Variants in OSBP2 observed in about 807,000 individuals in gnomAD.
OSBP2 encodes the protein oxysterol-binding protein 2.
Under a neutral mutation model 96.0 loss-of-function variants are expected in OSBP2, and 66 were observed. The observed-to-expected ratio is 0.69, with a 90% CI of 0.56 to 0.84. The LOEUF (loss-of-function observed/expected upper bound fraction) is 0.84, where lower values mean the gene tolerates loss of function less well. Among genes scored for constraint, OSBP2 ranks in the 40% least tolerant of loss-of-function variants. OSBP2 has a pLI of 0.00. For synonymous variants in OSBP2, 525 were observed against 520.9 expected (o/e 1.01, Z -0.11); for missense variants, 1,038 against 1,222.7 (o/e 0.85, Z 2.25).
At chr22:30,879,818 G>A (rs938875874) in intron 3 of OSBP2, among the ~76,000 whole-genome samples, 12 of 152,156 alleles carry the variant, frequency 7.9e-5, no homozygotes, top group Non-Finnish European at 1.3e-4. Flanking sequence ...TTGAGAGGCC[G>A]ACGCGGGCAG....
intron 2 of OSBP2, among the ~76,000 whole-genome samples, chr22:30,745,132 A>C (rs2089982188): frequency 6.6e-6 from 1 of 152,164 alleles, no homozygotes; most frequent in South Asian, 2.1e-4. Flanking sequence ...AAACAAGAAC[A>C]CAGTTTACCA....
At chr22:30,864,912 CA>C (rs66526637) in intron 2 of OSBP2, among the ~76,000 whole-genome samples, 16,232 of 152,200 alleles carry the variant, frequency 0.11, 1,086 homozygotes, top group Non-Finnish European at 0.15. Context: ...CCGAAACAAG[CA>C]AGCAAGTGGG....
chr22:30,712,861 T>G (rs2089376480), intron 1 of OSBP2, among the ~76,000 whole-genome samples: 1 of 152,146 alleles, frequency 6.6e-6, no homozygotes, highest in South Asian at 2.1e-4. Flanking sequence ...GCCTGCTTCT[T>G]GGGCTGCCAG....
chr22:30,905,138 T>C (rs2040301289), intron 12 of OSBP2, among the ~76,000 whole-genome samples: 1 of 50,988 alleles, frequency 2.0e-5, no homozygotes. Context: ...ACCCGTCTTT[T>C]TTTTTTTTTT....
chr22:30,756,997 C>A (rs1459462927), intron 2 of OSBP2, among the ~76,000 whole-genome samples: 2 of 152,108 alleles, frequency 1.3e-5, no homozygotes, highest in Non-Finnish European at 2.9e-5. Context: ...CCCTTCCAAC[C>A]ATGCAGACCA....
chr22:30,730,524 C>T (rs2089732415), intron 1 of OSBP2, among the ~76,000 whole-genome samples: 2 of 151,820 alleles, frequency 1.3e-5, no homozygotes. Context: ...GTTTCTAGCA[C>T]AGTTCCTTTA....
intron 2 of OSBP2, among the ~76,000 whole-genome samples, chr22:30,766,006 G>A (rs916813102): frequency 3.3e-5 from 5 of 152,172 alleles, no homozygotes; most frequent in Admixed American, 3.3e-4. Flanking sequence ...AGGCTGTAGT[G>A]GGAGGATCGC....
chr22:30,715,018 T>C (rs1206393483), intron 1 of OSBP2, among the ~76,000 whole-genome samples: 6 of 152,138 alleles, frequency 3.9e-5, no homozygotes, highest in Admixed American at 1.3e-4. Flanking sequence ...TTTTCTGTAG[T>C]GATTATACCA....
intron 2 of OSBP2, among the ~76,000 whole-genome samples, chr22:30,806,456 A>G (rs2090929212): frequency 6.6e-6 from 1 of 152,110 alleles, no homozygotes; most frequent in African/African-American, 2.4e-5. Context: ...TGTCTCCAGG[A>G]TGGGGCTTGT....
intron 2 of OSBP2, among the ~76,000 whole-genome samples, chr22:30,836,371 G>A (rs2038633101): frequency 6.6e-6 from 1 of 152,148 alleles, no homozygotes; most frequent in African/African-American, 2.4e-5. Context: ...TTTGAACTTG[G>A]GCAGGCCGAC....
intron 2 of OSBP2, among the ~76,000 whole-genome samples, chr22:30,755,171 C>T (rs1473525719): frequency 1.3e-5 from 2 of 152,146 alleles, no homozygotes; most frequent in South Asian, 2.1e-4. Context: ...CTGTGTAGGC[C>T]GTGGCCACTA....
chr22:30,845,878 CAA>C (rs544099138), intron 2 of OSBP2, among the ~76,000 whole-genome samples: 27 of 70,590 alleles, frequency 3.8e-4, no homozygotes, highest in South Asian at 2.4e-3. Flanking sequence ...GAGACTCTCT[CAA>C]AAAAAAAAAA....
intron 2 of OSBP2, among the ~76,000 whole-genome samples, chr22:30,772,200 T>TA (rs1178817559): frequency 6.6e-6 from 1 of 152,150 alleles, no homozygotes; most frequent in Non-Finnish European, 1.5e-5. Context: ...GGGACTCCCG[T>TA]GGGTGAGCTC....
At chr22:30,815,371 G>T (rs2091070552) in intron 2 of OSBP2, among the ~76,000 whole-genome samples, 1 of 152,114 alleles carries the variant, frequency 6.6e-6, no homozygotes, top group Non-Finnish European at 1.5e-5. Context: ...CCACCCCATG[G>T]CCTCATAACT....
At chr22:30,805,619 G>A (rs746801755) in intron 2 of OSBP2, among the ~76,000 whole-genome samples, 44 of 152,186 alleles carry the variant, frequency 2.9e-4, no homozygotes, top group Non-Finnish European at 6.2e-4. Context: ...ACCTCCGCTG[G>A]TTATTAAAGG....
intron 1 of OSBP2, among the ~76,000 whole-genome samples, chr22:30,719,899 G>C (rs2089521384): frequency 6.6e-6 from 1 of 151,884 alleles, no homozygotes; most frequent in African/African-American, 2.4e-5. Flanking sequence ...ACAACAAAAA[G>C]TGCCATCAAG....
chr22:30,724,727 A>G (rs12483846), intron 1 of OSBP2, among the ~76,000 whole-genome samples: 19,039 of 152,238 alleles, frequency 0.13, 1,997 homozygotes, highest in East Asian at 0.4. Context: ...TGAGCGGGGC[A>G]GGGACGAGAC....
chr22:30,817,494 T>C (rs1278966406), intron 2 of OSBP2, among the ~76,000 whole-genome samples: 1 of 152,106 alleles, frequency 6.6e-6, no homozygotes, highest in East Asian at 1.9e-4. Context: ...TGCTGGCATC[T>C]GTGTGGTATC....
intron 2 of OSBP2, among the ~76,000 whole-genome samples, chr22:30,827,928 C>G (rs149267973): frequency 1.3e-5 from 2 of 152,332 alleles, no homozygotes; most frequent in Non-Finnish European, 2.9e-5. Context: ...TTTTCAAGAT[C>G]ACACAGGCAG....
Sources: gnomAD v4.1 joint callset for allele counts (sites outside exome capture counted in the v4.1 genomes callset) on GRCh38, gnomAD v4.1.1 for gene constraint, MANE v1.5 for transcripts, NCBI Gene and HGNC (gene_info 2026-07-23, HGNC 2026-07-21) for gene names.